Variants in HNRNPA1L2 observed in about 807,000 individuals in gnomAD.
The protein encoded by HNRNPA1L2 is heterogeneous nuclear ribonucleoprotein A1 like 2, also known as heterogeneous nuclear ribonucleoprotein A1-like 2.
Under a neutral mutation model 18.2 loss-of-function variants are expected in HNRNPA1L2, and 10 were observed. The ratio of observed to expected loss-of-function variants is 0.55; its 90% CI spans 0.34 to 0.93. HNRNPA1L2 has a LOEUF of 0.93. Ranked by LOEUF, HNRNPA1L2 falls within the 40% of genes least tolerant of loss-of-function variation. The pLI, the probability that HNRNPA1L2 is intolerant of heterozygous loss-of-function variation, is 0.02. For missense variants in HNRNPA1L2, 308 were observed against 394.4 expected (o/e 0.78, Z 1.85); for synonymous variants, 124 against 138.6 (o/e 0.89, Z 0.74).
the HNRNPA1L2 span, among the ~76,000 whole-genome samples, chr13:52,633,827 A>G: frequency 1.3e-5 from 2 of 151,932 alleles, no homozygotes; most frequent in Non-Finnish European, 2.9e-5. Context: ...GGAAAAAGAA[A>G]ATGTTGTATG....
the HNRNPA1L2 span, chr13:52,617,688 G>T: frequency 1.3e-5 from 6 of 445,358 alleles, no homozygotes; most frequent in East Asian, 3.4e-5. Flanking sequence ...GTCAGGTACC[G>T]CAGTTCAGCA....
the HNRNPA1L2 span, among the ~76,000 whole-genome samples, chr13:52,619,044 G>A: frequency 3.3e-4 from 51 of 152,242 alleles, no homozygotes; most frequent in Non-Finnish European, 7.1e-4. Context: ...TTTTGCTCTT[G>A]TTGCCCAGGC....
At chr13:52,642,207 C>A, upstream of HNRNPA1L2, 1 of 438,046 alleles carries the variant, frequency 2.3e-6, no homozygotes, top group Non-Finnish European at 4.1e-6. Context: ...GTGGGATTAC[C>A]ACAAATGACT....
chr13:52,639,673 C>T (rs1266491241), upstream of HNRNPA1L2, among the ~76,000 whole-genome samples: 3 of 111,414 alleles, frequency 2.7e-5, no homozygotes, highest in East Asian at 4.9e-4. Context: ...GTGTTCTCTT[C>T]TGTTTTTGTT....
At chr13:52,631,783 A>C in the HNRNPA1L2 span, among the ~76,000 whole-genome samples, 4 of 152,218 alleles carry the variant, frequency 2.6e-5, no homozygotes, top group African/African-American at 9.6e-5. Flanking sequence ...TTGATGCATA[A>C]AACAGTTGAT....
the HNRNPA1L2 span, among the ~76,000 whole-genome samples, chr13:52,635,575 AACACACACACACACAC>A: frequency 0.011 from 1,550 of 143,358 alleles, 14 homozygotes; most frequent in Middle Eastern, 0.049. Context: ...GTCCTTTTGC[AACACACACACACACAC>A]ACACACACAC....
chr13:52,635,235 T>C, the HNRNPA1L2 span, among the ~76,000 whole-genome samples: 2 of 152,128 alleles, frequency 1.3e-5, no homozygotes, highest in Admixed American at 1.3e-4. Flanking sequence ...AAATAAGGCT[T>C]ACCCAGGTAG....
chr13:52,625,117 CTT>C, the HNRNPA1L2 span, among the ~76,000 whole-genome samples: 1 of 145,334 alleles, frequency 6.9e-6, no homozygotes. Context: ...TTAAAAGATA[CTT>C]TTTTTTTTTT....
chr13:52,626,235 G>A, the HNRNPA1L2 span, among the ~76,000 whole-genome samples: 1 of 151,896 alleles, frequency 6.6e-6, no homozygotes, highest in African/African-American at 2.4e-5. Flanking sequence ...CAGAAAGCCA[G>A]GCATAATAAA....
chr13:52,621,653 A>C, the HNRNPA1L2 span, among the ~76,000 whole-genome samples: 2 of 152,140 alleles, frequency 1.3e-5, no homozygotes, highest in African/African-American at 4.8e-5. Context: ...GCATACCTCT[A>C]CTTATTTGTG....
chr13:52,623,881 G>A, the HNRNPA1L2 span, among the ~76,000 whole-genome samples: 2 of 152,220 alleles, frequency 1.3e-5, no homozygotes, highest in African/African-American at 4.8e-5. Flanking sequence ...GCTCTATGAT[G>A]TCTGGGTCCT....
chr13:52,642,348 A>G, upstream of HNRNPA1L2: 1 of 1,123,456 alleles, frequency 8.9e-7, no homozygotes, highest in Non-Finnish European at 1.3e-6. Context: ...CCCATATGAA[A>G]AATGTATTTA....
chr13:52,643,188 T>C lies in HNRNPA1L2; in HGVS notation c.696T>C (p.Cys232=), dbSNP rs771415331. The part of the protein sequence containing the change: ...FSGRGGFGGS[C]GGGGYGGSGD... Reference sequence around the variant, plus strand: ...GTCGTGGTGGCTTTGGTGGCAGCTGTGGTGGTGGTGGATATGGTGGCAGTG... The same window carrying C: ...GTCGTGGTGGCTTTGGTGGCAGCTGCGGTGGTGGTGGATATGGTGGCAGTG... The change falls in exon 1 of 1, where the codon TGT becomes TGC. Residue 232 remains cysteine, a synonymous_variant. Coordinates refer to ENST00000357495, the MANE Select transcript of HNRNPA1L2 (RefSeq NM_001389320.1). The C allele has an allele frequency of 3.8e-6, 6 of 1,597,244 alleles. No homozygotes were observed. In the East Asian group the frequency reaches 1.3e-4, roughly 36 times the overall value.
chr13:52,620,595 G>A, the HNRNPA1L2 span, among the ~76,000 whole-genome samples: 1 of 152,202 alleles, frequency 6.6e-6, no homozygotes, highest in Non-Finnish European at 1.5e-5. Context: ...CAAAGAATCT[G>A]TATTTTAGCA....
the HNRNPA1L2 span, among the ~76,000 whole-genome samples, chr13:52,625,005 T>C: frequency 6.6e-6 from 1 of 151,970 alleles, no homozygotes; most frequent in African/African-American, 2.4e-5. Flanking sequence ...CACTCCAGCA[T>C]GGGCAACAGA....
chr13:52,639,694 C>CAAAAAAAAAAAAAAAAAAAAAAAA (rs10661534), upstream of HNRNPA1L2, among the ~76,000 whole-genome samples: 20 of 73,536 alleles, frequency 2.7e-4, no homozygotes, highest in African/African-American at 9.9e-4. Flanking sequence ...GACCCTGTCT[C>CAAAAAAAAAAAAAAAAAAAAAAAA]AAAAAAAAAA....
chr13:52,642,996 T>C lies in HNRNPA1L2; in HGVS notation c.504T>C (p.His168=), dbSNP rs769476141. The stretch of plus-strand genomic sequence containing the variant: ...ATAAGATTGTCATTCAGAAATACCA[T>C]ACTGTGAAGGGCCACAACTGTGAAG... ...SVDKIVIQKY[H]TVKGHNCEVR... The change falls in exon 1 of 1, where the codon CAT becomes CAC. Residue 168 remains histidine (H), a synonymous_variant. Transcript: ENST00000357495. 3.8e-6 allele frequency: 6 copies of C among 1,597,470 alleles called. No individual in the cohort carries two copies. Among genetic ancestry groups the C allele is most frequent in the Non-Finnish European group, 5.1e-6 (6 of 1,179,794 alleles).
At chr13:52,629,995 G>A in the HNRNPA1L2 span, among the ~76,000 whole-genome samples, 14 of 152,206 alleles carry the variant, frequency 9.2e-5, no homozygotes, top group South Asian at 6.2e-4. Flanking sequence ...GGCTGAGGCA[G>A]GAGAATTGCT....
upstream of HNRNPA1L2, among the ~76,000 whole-genome samples, chr13:52,639,876 GTTT>G (rs371984561): frequency 3.3e-4 from 19 of 56,972 alleles, no homozygotes; most frequent in Non-Finnish European, 3.8e-4. Flanking sequence ...TGTTGTTCTT[GTTT>G]TTTTTTTTTT....
Sources: allele counts gnomAD v4.1 joint callset (sites outside exome capture counted in the v4.1 genomes callset), GRCh38; gene constraint gnomAD v4.1.1; transcripts MANE v1.5; gene names NCBI Gene and HGNC (gene_info 2026-07-23, HGNC 2026-07-21).